SLC30A5: variants seen among roughly 807,000 people sequenced by gnomAD.
SLC30A5 encodes the protein proton-coupled zinc antiporter SLC30A5.
In SLC30A5, 33 loss-of-function variants were observed where a neutral mutation model predicts 79.6. The observed-to-expected ratio is 0.41, with a 90% CI of 0.31 to 0.55. The LOEUF (loss-of-function observed/expected upper bound fraction) is 0.55, where lower values mean the gene tolerates loss of function less well. SLC30A5 is among the 20% of genes least tolerant of loss of function. The probability of loss-of-function intolerance (pLI) is 0.20; values close to 1 mark genes in which losing one functional copy is unlikely to be tolerated. For missense variants in SLC30A5, 788 were observed against 928.1 expected (o/e 0.85, Z 1.96); for synonymous variants, 299 against 319.7 (o/e 0.94, Z 0.69).
chr5:69,100,785 T>G, intron 1 of SLC30A5, 22 bp from the exon 2 acceptor site: 1 of 1,572,446 alleles, frequency 6.4e-7, no homozygotes, highest in Non-Finnish European at 8.7e-7. Flanking sequence ...TACTAAAAAT[T>G]GTTTCTGCTT....
intron 1 of SLC30A5, among the ~76,000 whole-genome samples, chr5:69,099,576 C>T (rs946508660): frequency 5.3e-5 from 8 of 152,224 alleles, no homozygotes; most frequent in African/African-American, 1.7e-4. Flanking sequence ...TAGAGATCCT[C>T]GTCTTTTCAG....
chr5:69,123,531 G>A (rs905571462), intron 14 of SLC30A5, 106 bp downstream of exon 14: 2 of 818,506 alleles, frequency 2.4e-6, no homozygotes, highest in Non-Finnish European at 3.9e-6. Context: ...ACAAAACGAG[G>A]CCAAAAAAGA....
chr5:69,121,654 A>T, intron 12 of SLC30A5, 40 bp from the exon 13 acceptor site: 1 of 1,386,982 alleles, frequency 7.2e-7, no homozygotes, highest in Non-Finnish European at 9.9e-7. Context: ...GTCTATTTTT[A>T]AATTACTAAT....
At chr5:69,122,578 T>C (rs756198726) in intron 13 of SLC30A5, among the ~76,000 whole-genome samples, 5 of 152,152 alleles carry the variant, frequency 3.3e-5, no homozygotes, top group Admixed American at 6.6e-5. Context: ...CACTTGAACC[T>C]GGGAGATGGA....
chr5:69,106,871 C>CTT (rs1051468938), intron 4 of SLC30A5, among the ~76,000 whole-genome samples: 2 of 146,248 alleles, frequency 1.4e-5, no homozygotes, highest in Admixed American at 6.8e-5. Flanking sequence ...TTTTTTTCAA[C>CTT]TTTTTTTTTT....
chr5:69,103,932 C>T lies in SLC30A5; in HGVS notation c.274-699C>T, dbSNP rs73119233. On this transcript the variant is annotated intron_variant, in intron 3 of 15. Transcript: ENST00000396591. ...TTTAAAATATGATTAATAGTCTAAA[C>T]CCCATTTTAACTTTTTTCTCTCCTT... 3 of 1,477,118 alleles carry T rather than the reference C, an allele frequency of 2.0e-6. No homozygotes were observed. The African/African-American group carries it at 4.3e-5, about 21-fold the overall frequency. The allele number at this position is 1,477,118 out of a possible 1,614,324, so 91.5% of individuals were successfully genotyped here. A position where few individuals can be genotyped will look rare whatever the true frequency, so the allele number is the denominator to read the frequency against.
intron 15 of SLC30A5, 116 bp downstream of exon 15, chr5:69,128,248 C>CACTT: frequency 4.3e-6 from 2 of 463,268 alleles, no homozygotes; most frequent in Middle Eastern, 6.5e-4. Context: ...AATCTTCCAA[C>CACTT]TCTTTTTTTT....
At chr5:69,118,299 G>GTATA (rs976992463) in intron 11 of SLC30A5, 200 bp from the exon 12 acceptor site, 2 of 141,684 alleles carry the variant, frequency 1.4e-5, no homozygotes, top group Admixed American at 1.7e-4. Flanking sequence ...TATATAACGT[G>GTATA]TATATATATG....
chr5:69,094,441 C>G, intron 1 of SLC30A5, 103 bp downstream of exon 1: 1 of 1,178,898 alleles, frequency 8.5e-7, no homozygotes, highest in Non-Finnish European at 1.1e-6. Flanking sequence ...GTCCCGGGGT[C>G]GGCGCGCCCT....
At position 69,123,149 on chromosome 5, in the gene SLC30A5, T is replaced by G. The variant is rs75630612; in HGVS notation, c.1772-50T>G. The G allele has an allele frequency of 3.8e-6, 5 of 1,333,316 alleles. No individual in the cohort carries two copies. The East Asian group carries it at 1.2e-4, about 31-fold the overall frequency. 82.6% of individuals were successfully genotyped at this position (1,333,316 alleles called of 1,614,324 possible). On this transcript the variant is annotated intron_variant, in intron 13 of 15. Coordinates refer to ENST00000396591, the MANE Select transcript of SLC30A5 (RefSeq NM_022902.5). ...ATATTAGTAGAATGTATTAAAAAACTAAATTAGATGTGCCTTAATTTTTAA... is the reference window on the plus strand; with the variant it reads ...ATATTAGTAGAATGTATTAAAAAACGAAATTAGATGTGCCTTAATTTTTAA...
At chr5:69,096,972 C>CA (rs35484001) in intron 1 of SLC30A5, among the ~76,000 whole-genome samples, 26,208 of 146,386 alleles carry the variant, frequency 0.18, 2,732 homozygotes, top group East Asian at 0.37. Flanking sequence ...CTTTCCCCTC[C>CA]AAAAAAAAAC....
Position 69,115,314 on chromosome 5 carries a change from C to A in SLC30A5, c.690C>A (p.Asp230Glu), listed in dbSNP as rs891797427. 1 of 1,613,836 alleles carries A rather than the reference C, an allele frequency of 6.2e-7. No individual in the cohort carries two copies. Among genetic ancestry groups the A allele is most frequent in the Non-Finnish European group, 8.5e-7 (1 of 1,179,948 alleles). ...FHTASRKLSV[D>E]VGGAKRLQAL... ...CAGCTTCCAGAAAGCTCTCTGTCGACGTTGGTGGAGCTAAACGTCTTCAAG... is the reference window on the plus strand; with the variant it reads ...CAGCTTCCAGAAAGCTCTCTGTCGAAGTTGGTGGAGCTAAACGTCTTCAAG... The change falls in exon 8 of 16, where the codon GAC becomes GAA. Residue 230 changes from aspartate to glutamate, a missense_variant. Asp to Glu is a conservative substitution (Grantham distance 45). Around this residue, in one of 3 missense-constraint regions of SLC30A5, gnomAD observed 626 missense variants for 755.5 expected, o/e 0.83. Transcript: ENST00000396591.
chr5:69,097,663 C>T (rs1745785436), intron 1 of SLC30A5, among the ~76,000 whole-genome samples: 1 of 151,368 alleles, frequency 6.6e-6, no homozygotes, highest in South Asian at 2.1e-4. Flanking sequence ...AGATGAGGTC[C>T]CAGTATGTGA....
chr5:69,117,252 T>A lies in SLC30A5; in HGVS notation c.1295T>A (p.Val432Glu). 6.2e-7 allele frequency: 1 copy of A among 1,611,412 alleles called. No individual in the cohort carries two copies. Among genetic ancestry groups the A allele is most frequent in the Non-Finnish European group, 8.5e-7 (1 of 1,178,424 alleles). ...TGACATTTTTAGCTTTTTACCTTTGTGGAATTATTCTATGGCGTGCTGACC... is the reference window on the plus strand; with the variant it reads ...TGACATTTTTAGCTTTTTACCTTTGAGGAATTATTCTATGGCGTGCTGACC... ...FLCLNLLFTF[V>E]ELFYGVLTNS... is the part of the protein sequence containing the mutation. Residue 432 changes from valine to glutamate, a missense_variant, in exon 11 of 16, where the codon GTG (valine) becomes GAG (glutamate). Physicochemically the swap from Val to Glu is moderately radical, Grantham distance 121 (BLOSUM62 -2). This residue lies in a region of SLC30A5 where 626 missense variants were observed against 755.5 expected (regional missense o/e 0.83). Transcript: ENST00000396591.
chr5:69,122,551 G>A (rs558513543), intron 13 of SLC30A5, among the ~76,000 whole-genome samples: 2 of 152,324 alleles, frequency 1.3e-5, no homozygotes, highest in East Asian at 3.9e-4. Flanking sequence ...CTACTCAGGA[G>A]GCTGAGACAC....
At position 69,094,335 on chromosome 5, in the gene SLC30A5, C is replaced by A. The variant is rs1745655032; in HGVS notation, c.80C>A (p.Ala27Asp). ...CTTGGGCCGGTGGACGTACCCAGCG[C>A]TCGGTAAGGGACCGATCCGGAAGGC... ...GGLGPVDVPS[A>D]RLTKYIVLLC... The change falls in exon 1 of 16, where the codon GCT becomes GAT. Residue 27 changes from alanine (A) to aspartate (D), a missense_variant. Physicochemically the swap from Ala to Asp is moderately radical, Grantham distance 126 (BLOSUM62 -2). Transcript: ENST00000396591. 4 of 1,251,636 alleles carry A rather than the reference C, an allele frequency of 3.2e-6. No homozygotes were observed. Among genetic ancestry groups the A allele is most frequent in the Non-Finnish European group, 3.0e-6 (3 of 990,816 alleles). The allele number at this position is 1,251,636 out of a possible 1,614,324, so 77.5% of individuals were successfully genotyped here. A position where few individuals can be genotyped will look rare whatever the true frequency, so the allele number is the denominator to read the frequency against.
At chr5:69,105,965 T>C (rs959677245) in intron 4 of SLC30A5, among the ~76,000 whole-genome samples, 7 of 152,328 alleles carry the variant, frequency 4.6e-5, no homozygotes, top group African/African-American at 1.7e-4. Context: ...CACTGCTGTC[T>C]GGAAAAATTG....
rs1429693728 is a variant in SLC30A5 at position 69,122,042 on chromosome 5, A to G, written c.1771+147A>G. ...AAAAGAAAGGTCTGAAGCTATCACTATAGAAAATATTCTTACCTGAATACA... is the reference window on the plus strand; with the variant it reads ...AAAAGAAAGGTCTGAAGCTATCACTGTAGAAAATATTCTTACCTGAATACA... On this transcript the variant is annotated intron_variant, in intron 13 of 15. Coordinates refer to ENST00000396591, the MANE Select transcript of SLC30A5 (RefSeq NM_022902.5). 8.1e-6 allele frequency: 5 copies of G among 618,198 alleles called. No individual in the cohort carries two copies. The East Asian group carries it at 8.6e-5, about 11-fold the overall frequency. 38.3% of individuals were successfully genotyped at this position (618,198 alleles called of 1,614,324 possible). A position where few individuals can be genotyped will look rare whatever the true frequency, so the allele number is the denominator to read the frequency against.
chr5:69,114,539 A>C, intron 7 of SLC30A5, 43 bp downstream of exon 7: 1 of 1,206,654 alleles, frequency 8.3e-7, no homozygotes. Flanking sequence ...GATTCTGAAA[A>C]GTTGTAGCAA....
Sources: allele counts gnomAD v4.1 joint callset (sites outside exome capture counted in the v4.1 genomes callset), GRCh38; gene constraint gnomAD v4.1.1; regional missense constraint gnomAD v4.1.1; transcripts MANE v1.5; gene names NCBI Gene and HGNC (gene_info 2026-07-23, HGNC 2026-07-21).